Variants in UST observed in about 807,000 individuals in gnomAD.
UST encodes the protein chondroitin sulfate 2-O-sulfotransferase.
UST carries 21 observed loss-of-function variants against 45.6 expected under a neutral mutation model. The ratio of observed to expected loss-of-function variants is 0.46; its 90% CI spans 0.33 to 0.66. The LOEUF (loss-of-function observed/expected upper bound fraction) is 0.66, where lower values mean the gene tolerates loss of function less well. Ranked by LOEUF, UST falls within the 30% of genes least tolerant of loss-of-function variation. The pLI is 0.02. For synonymous variants in UST, 215 were observed against 200.6 expected (o/e 1.07, Z -0.61); for missense variants, 463 against 512.4 (o/e 0.90, Z 0.93).
At chr6:148,831,870 A>G (rs1160771332) in intron 1 of UST, among the ~76,000 whole-genome samples, 1 of 152,222 alleles carries the variant, frequency 6.6e-6, no homozygotes, top group Non-Finnish European at 1.5e-5. Context: ...GAAGTCATAT[A>G]TAGGGCTAGT....
chr6:148,957,950 C>T (rs1430446671), intron 4 of UST, among the ~76,000 whole-genome samples: 3 of 152,166 alleles, frequency 2.0e-5, no homozygotes. Context: ...ACATGCCGCA[C>T]GGTACTTGCT....
At chr6:148,771,345 T>G (rs1225687778) in intron 1 of UST, among the ~76,000 whole-genome samples, 2 of 152,264 alleles carry the variant, frequency 1.3e-5, no homozygotes, top group Non-Finnish European at 2.9e-5. Flanking sequence ...TCGCATAGGC[T>G]GTGGCTGTTG....
intron 6 of UST, among the ~76,000 whole-genome samples, chr6:149,021,014 G>T (rs1407209890): frequency 6.6e-6 from 1 of 152,204 alleles, no homozygotes; most frequent in Admixed American, 6.5e-5. Context: ...ATTAGTATTT[G>T]TTAGAACCTA....
chr6:148,922,581 C>T lies in UST; in HGVS notation c.292-18698C>T, dbSNP rs530883861. ...TCAGCTCACTGCAAGCTCCCTCTCG[C>T]GGGTTCACACCATTCTCCTGCCTCA... On this transcript the variant is annotated intron_variant, in intron 2 of 7. Coordinates refer to ENST00000367463, the MANE Select transcript of UST (RefSeq NM_005715.3). Among the ~76,000 whole-genome samples, 13 of 149,012 alleles carry T rather than the reference C, an allele frequency of 8.7e-5. No individual in the cohort carries two copies. In the East Asian group the frequency reaches 1.8e-3, roughly 20 times the overall value.
intron 1 of UST, among the ~76,000 whole-genome samples, chr6:148,840,992 C>T (rs1282895851): frequency 4.7e-5 from 7 of 148,500 alleles, no homozygotes; most frequent in South Asian, 2.1e-4. Flanking sequence ...TTTCTTTGTG[C>T]GTGACCATCT....
At chr6:148,986,231 T>A (rs1303642294) in intron 5 of UST, among the ~76,000 whole-genome samples, 1 of 152,216 alleles carries the variant, frequency 6.6e-6, no homozygotes, top group Admixed American at 6.5e-5. Context: ...GGTTACTTAC[T>A]CTTCCAGCAA....
chr6:148,999,319 C>G (rs548439125), intron 5 of UST, among the ~76,000 whole-genome samples: 67 of 152,292 alleles, frequency 4.4e-4, no homozygotes, highest in African/African-American at 1.5e-3. Flanking sequence ...ATAAAAATTT[C>G]ATTATCTTCA....
intron 5 of UST, among the ~76,000 whole-genome samples, chr6:148,986,745 C>T (rs916271638): frequency 7.2e-5 from 11 of 152,226 alleles, no homozygotes; most frequent in South Asian, 2.1e-4. Flanking sequence ...CCCTCCTCCT[C>T]GGAATCCCTG....
chr6:148,975,919 GA>G (rs756785693), intron 5 of UST, among the ~76,000 whole-genome samples: 1 of 152,268 alleles, frequency 6.6e-6, no homozygotes, highest in East Asian at 1.9e-4. Flanking sequence ...AATCACAAAA[GA>G]AATGAATTTT....
rs375204930 is a variant in UST at position 149,006,118 on chromosome 6, T to G, written c.682-13021T>G. On this transcript the variant is annotated intron_variant, in intron 5 of 7. Transcript: ENST00000367463. ...TTTATTTTAAGTTCCAGGATACCTG[T>G]GCAGGACATGCAGTTTTGTTACATA... is the stretch of plus-strand genomic sequence containing the variant. 1.5e-4 allele frequency among the ~76,000 whole-genome samples: 23 copies of G among 152,340 alleles called. 1 individual carries two copies. The South Asian group carries it at 4.6e-3, about 30-fold the overall frequency.
At chr6:148,794,026 G>A (rs1028758281) in intron 1 of UST, among the ~76,000 whole-genome samples, 1 of 152,194 alleles carries the variant, frequency 6.6e-6, no homozygotes, top group African/African-American at 2.4e-5. Flanking sequence ...GTATGTTTCT[G>A]TTCAGCTTTC....
In UST at chr6:149,006,292, T is replaced by G. The variant is rs1323483099; in HGVS notation, c.682-12847T>G. 3.3e-5 allele frequency among the ~76,000 whole-genome samples: 5 copies of G among 152,270 alleles called. No homozygotes were observed. In the East Asian group the frequency reaches 9.6e-4, roughly 29 times the overall value. ...ATGTGTTCCCCTCCCTATGTCCATG[T>G]GTTCTCATTGTTCAGCTCCCACTTA... On this transcript the variant is annotated intron_variant, in intron 5 of 7. Transcript: ENST00000367463.
intron 1 of UST, among the ~76,000 whole-genome samples, chr6:148,853,778 T>C (rs1042560339): frequency 3.3e-5 from 5 of 152,216 alleles, no homozygotes; most frequent in Admixed American, 6.5e-5. Context: ...GAAGTGTCTG[T>C]TCATGTCCTT....
At chr6:148,966,227 A>AAAT (rs1196649259) in intron 5 of UST, among the ~76,000 whole-genome samples, 3 of 120,432 alleles carry the variant, frequency 2.5e-5, no homozygotes, top group Non-Finnish European at 1.7e-5. Flanking sequence ...CCATCTCAAA[A>AAAT]AATAATAATA....
chr6:148,888,280 T>C (rs887152987), intron 2 of UST, among the ~76,000 whole-genome samples: 1 of 152,152 alleles, frequency 6.6e-6, no homozygotes, highest in African/African-American at 2.4e-5. Context: ...CCAAGGGGGA[T>C]AGTGCTAAAC....
chr6:148,944,002 A>G (rs1224632731), intron 3 of UST, among the ~76,000 whole-genome samples: 2 of 152,364 alleles, frequency 1.3e-5, no homozygotes, highest in Non-Finnish European at 2.9e-5. Context: ...ACATTTAGAG[A>G]AACACTTTTT....
chr6:149,020,867 T>C (rs1488062002), intron 6 of UST, among the ~76,000 whole-genome samples: 1 of 152,220 alleles, frequency 6.6e-6, no homozygotes, highest in Non-Finnish European at 1.5e-5. Flanking sequence ...ATAAGATGAT[T>C]AATAGGCATG....
intron 5 of UST, among the ~76,000 whole-genome samples, chr6:148,975,692 C>A (rs1035475667): frequency 6.6e-6 from 1 of 151,906 alleles, no homozygotes; most frequent in African/African-American, 2.4e-5. Flanking sequence ...GCATCATGCA[C>A]CAATAGAGAA....
chr6:148,958,297 C>CG (rs140340490), intron 4 of UST, among the ~76,000 whole-genome samples: 3,938 of 152,128 alleles, frequency 0.026, 132 homozygotes, highest in African/African-American at 0.081. Flanking sequence ...TGGTTCAGAC[C>CG]ATCAGGTGTT....
Sources: allele counts gnomAD v4.1 joint callset (sites outside exome capture counted in the v4.1 genomes callset), GRCh38; gene constraint gnomAD v4.1.1; transcripts MANE v1.5; gene names NCBI Gene and HGNC (gene_info 2026-07-23, HGNC 2026-07-21).